The following PRDM5 variants were observed in gnomAD, a reference collection of about 807,000 sequenced individuals.
PRDM5 encodes PR domain zinc finger protein 5.
Under a neutral mutation model 81.2 loss-of-function variants are expected in PRDM5, and 56 were observed. That is an observed-to-expected ratio of 0.69 (90% CI 0.56 to 0.86). The LOEUF is 0.86. Ranked by LOEUF, PRDM5 falls within the 40% of genes least tolerant of loss-of-function variation. The pLI is 0.00. For synonymous variants in PRDM5, 267 were observed against 256.4 expected (o/e 1.04, Z -0.39); for missense variants, 697 against 770.1 (o/e 0.91, Z 1.12).
At chr4:120,853,279 A>C in intron 3 of PRDM5, 139 bp downstream of exon 3, 1 of 1,303,074 alleles carries the variant, frequency 7.7e-7, no homozygotes, top group South Asian at 1.2e-5. Flanking sequence ...TGCTGACTAG[A>C]TGAGATTTCT....
intron 14 of PRDM5, among the ~76,000 whole-genome samples, chr4:120,731,367 CTTT>C (rs200102326): frequency 2.3e-5 from 3 of 129,242 alleles, no homozygotes; most frequent in Admixed American, 1.5e-4. Flanking sequence ...CAGAGGTCTT[CTTT>C]TTTTTTTTTT....
chr4:120,726,102 G>A (rs896616628), intron 14 of PRDM5, among the ~76,000 whole-genome samples: 4 of 152,144 alleles, frequency 2.6e-5, no homozygotes, highest in African/African-American at 9.7e-5. Flanking sequence ...GGCTAGGGAG[G>A]GAGAAGGGCA....
chr4:120,842,783 T>A (rs1758173082), intron 3 of PRDM5, among the ~76,000 whole-genome samples: 3 of 152,212 alleles, frequency 2.0e-5, no homozygotes, highest in Admixed American at 6.5e-5. Context: ...TTTTCAATTC[T>A]ACTTCACACT....
rs546229597 is a variant in PRDM5 at position 120,750,119 on chromosome 4, AT to A, written c.1623+4433del. 2.3e-3 allele frequency among the ~76,000 whole-genome samples: 351 copies of A among 152,372 alleles called. 1 individual carries two copies. The highest frequency in any genetic ancestry group is 7.8e-3 in the African/African-American group (324 of 41,580). On this transcript the variant is annotated intron_variant, in intron 14 of 15. Transcript: ENST00000264808. ...AAAAGTAAATTTTTAATTGCATTTAATTGGATTTAATTAAAATTTAAATTTT... is the reference window on the plus strand; with the variant it reads ...AAAAGTAAATTTTTAATTGCATTTAATGGATTTAATTAAAATTTAAATTTT...
chr4:120,759,460 G>A (rs1490167545), intron 13 of PRDM5, among the ~76,000 whole-genome samples: 2 of 152,130 alleles, frequency 1.3e-5, no homozygotes, highest in African/African-American at 2.4e-5. Flanking sequence ...GAACCTGAAG[G>A]TTACCTGTAC....
At chr4:120,907,451 A>T in intron 2 of PRDM5, 23 bp downstream of exon 2, 2 of 1,539,378 alleles carry the variant, frequency 1.3e-6, no homozygotes, top group Non-Finnish European at 1.8e-6. Flanking sequence ...TATTTTTAAC[A>T]TTAAAATAAG....
chr4:120,784,638 A>G (rs926549824), intron 11 of PRDM5, among the ~76,000 whole-genome samples: 3 of 152,104 alleles, frequency 2.0e-5, no homozygotes, highest in Non-Finnish European at 2.9e-5. Flanking sequence ...TGCATATTTT[A>G]AAGAGTCTGA....
rs552496748 is a variant in PRDM5, at chr4:120,809,367, A to G, written c.945+2003T>C. ...TGTAACAAACCTGCACGTTGTGCAC[A>G]TGTTCCCTAGAACTTAAAGTATAAT... On this transcript the variant is annotated intron_variant, in intron 8 of 15. Coordinates refer to ENST00000264808, the MANE Select transcript of PRDM5 (RefSeq NM_018699.4). Among the ~76,000 whole-genome samples, 3 of 152,234 alleles carry G rather than the reference A, an allele frequency of 2.0e-5. No homozygotes were observed. The South Asian group carries it at 6.2e-4, about 32-fold the overall frequency.
At chr4:120,886,975 T>G (rs1763510579) in intron 2 of PRDM5, among the ~76,000 whole-genome samples, 1 of 151,224 alleles carries the variant, frequency 6.6e-6, no homozygotes, top group South Asian at 2.1e-4. Flanking sequence ...AGATGAAGTC[T>G]CACTTTGTTG....
At chr4:120,722,718 A>C (rs1738812088) in intron 14 of PRDM5, among the ~76,000 whole-genome samples, 1 of 152,036 alleles carries the variant, frequency 6.6e-6, no homozygotes, top group African/African-American at 2.4e-5. Flanking sequence ...CCGTGCAGTG[A>C]TGGGTTTAGC....
chr4:120,768,451 A>G (rs910404626), intron 13 of PRDM5, among the ~76,000 whole-genome samples: 3 of 152,170 alleles, frequency 2.0e-5, no homozygotes, highest in Non-Finnish European at 4.4e-5. Context: ...ACAAATTTAA[A>G]GATTAAAGAG....
At chr4:120,909,183 A>G (rs1766190867) in intron 1 of PRDM5, among the ~76,000 whole-genome samples, 1 of 152,210 alleles carries the variant, frequency 6.6e-6, no homozygotes, top group Admixed American at 6.5e-5. Context: ...ATCAGGAACC[A>G]GTGGTTTATT....
Position 120,844,889 on chromosome 4 carries a change from C to T in PRDM5, c.300+8529G>A, listed in dbSNP as rs1218063445. On this transcript the variant is annotated intron_variant, in intron 3 of 15. Coordinates refer to ENST00000264808, the MANE Select transcript of PRDM5 (RefSeq NM_018699.4). ...CTTGAAAGAAATTAAAAGTGCTACT[C>T]CAGTGAACACACAAATGATAAGGAA... is the stretch of plus-strand genomic sequence containing the variant. Among the ~76,000 whole-genome samples the T allele has an allele frequency of 2.0e-5, 3 of 152,346 alleles. No individual in the cohort carries two copies. The East Asian group carries it at 5.8e-4, about 29-fold the overall frequency.
chr4:120,796,949 T>C (rs1751426918), intron 10 of PRDM5, among the ~76,000 whole-genome samples: 1 of 152,226 alleles, frequency 6.6e-6, no homozygotes, highest in Non-Finnish European at 1.5e-5. Flanking sequence ...AGCAAGTATT[T>C]TGTATCTCAT....
chr4:120,877,142 C>A (rs1050839632), intron 2 of PRDM5, among the ~76,000 whole-genome samples: 5 of 152,298 alleles, frequency 3.3e-5, no homozygotes, highest in Admixed American at 2.0e-4. Flanking sequence ...TAGGGTCAAT[C>A]AGCCAGAGTT....
intron 2 of PRDM5, among the ~76,000 whole-genome samples, chr4:120,856,137 T>G (rs867182652): frequency 6.6e-6 from 1 of 152,206 alleles, no homozygotes; most frequent in African/African-American, 2.4e-5. Flanking sequence ...CAACTTATTT[T>G]CCTTTTCAGT....
chr4:120,917,144 T>G (rs1346510564), intron 1 of PRDM5, among the ~76,000 whole-genome samples: 1 of 152,182 alleles, frequency 6.6e-6, no homozygotes, highest in Non-Finnish European at 1.5e-5. Context: ...TCTGACCTCC[T>G]CCTCAACTGC....
intron 2 of PRDM5, among the ~76,000 whole-genome samples, chr4:120,890,078 A>G (rs1414013705): frequency 2.0e-5 from 3 of 152,202 alleles, no homozygotes. Flanking sequence ...GCAATACAGA[A>G]ATATCTGAGC....
chr4:120,715,561 A>C (rs888655838), intron 14 of PRDM5, among the ~76,000 whole-genome samples: 3 of 152,212 alleles, frequency 2.0e-5, no homozygotes, highest in Non-Finnish European at 4.4e-5. Flanking sequence ...GAAAATGAAA[A>C]GGTAGTTTTA....
Sources: allele counts gnomAD v4.1 joint callset (sites outside exome capture counted in the v4.1 genomes callset), GRCh38; gene constraint gnomAD v4.1.1; transcripts MANE v1.5; gene names NCBI Gene and HGNC (gene_info 2026-07-23, HGNC 2026-07-21).